PPP5C: variants seen among roughly 807,000 people sequenced by gnomAD.
PPP5C encodes the protein protein phosphatase 5 catalytic subunit, also known as serine/threonine-protein phosphatase 5.
In PPP5C, 21 loss-of-function variants were observed where a neutral mutation model predicts 66.7. The ratio of observed to expected loss-of-function variants is 0.31; its 90% CI spans 0.22 to 0.45. The LOEUF is 0.45. PPP5C is among the 20% of genes least tolerant of loss of function. PPP5C has a pLI of 1.00. For synonymous variants in PPP5C, 246 were observed against 257.4 expected, an observed-to-expected ratio of 0.96 and a Z score of 0.43; for missense variants, 464 against 675.9, an observed-to-expected ratio of 0.69 and a Z score of 3.48.
In PPP5C at chr19:46,383,386, C is replaced by T. The variant is rs1185855758; in HGVS notation, c.634-25C>T. The T allele has an allele frequency of 1.2e-6, 2 of 1,606,386 alleles. No individual in the cohort carries two copies. Among genetic ancestry groups the T allele is most frequent in the East Asian group, 2.3e-5 (1 of 44,318 alleles). On this transcript the variant is annotated intron_variant, in intron 4 of 12. Transcript: ENST00000012443. This position sits in a 1 kb window ranked among gnomAD's most constrained non-coding sequence, Gnocchi z 5.0. ...TGGGCAGCAGCCCCTGCAGCCGGTC[C>T]CACTGAGTCTGCCCTGCCTTCCAGA...
chr19:46,348,912 G>C (rs560632226), intron 1 of PPP5C, among the ~76,000 whole-genome samples: 1 of 152,336 alleles, frequency 6.6e-6, no homozygotes, highest in East Asian at 1.9e-4. Flanking sequence ...CTCCATGGAT[G>C]CTGGTAGTGA....
chr19:46,362,747 G>C (rs1972412162), intron 2 of PPP5C, among the ~76,000 whole-genome samples: 1 of 151,594 alleles, frequency 6.6e-6, no homozygotes, highest in Admixed American at 6.6e-5. Flanking sequence ...TATTTTGCTG[G>C]TAACTCAGAA....
At chr19:46,368,346 C>A (rs1972525771) in intron 2 of PPP5C, among the ~76,000 whole-genome samples, 2 of 152,204 alleles carry the variant, frequency 1.3e-5, no homozygotes, top group South Asian at 4.1e-4. Flanking sequence ...CCTGGACCTG[C>A]CATGCAGCTA....
At chr19:46,354,776 G>A (rs563044789) in intron 2 of PPP5C, among the ~76,000 whole-genome samples, 283 of 151,878 alleles carry the variant, frequency 1.9e-3, no homozygotes, top group African/African-American at 6.5e-3. Context: ...CAGCCTGGGC[G>A]ACACAGTGAG....
chr19:46,364,844 G>A (rs977581867), intron 2 of PPP5C, among the ~76,000 whole-genome samples: 2 of 151,550 alleles, frequency 1.3e-5, no homozygotes, highest in South Asian at 2.1e-4. Flanking sequence ...ATCTCACGCC[G>A]CTGGGTCCAT....
chr19:46,388,278 A>G lies in PPP5C; in HGVS notation c.1136-130A>G. 6 of 949,112 alleles carry G rather than the reference A, an allele frequency of 6.3e-6. 1 individual carries two copies. Among genetic ancestry groups the G allele is most frequent in the Non-Finnish European group, 9.3e-6 (6 of 645,760 alleles). 58.8% of individuals were successfully genotyped at this position (949,112 alleles called of 1,614,324 possible). ...TCCTGAATGTCCATGTCCATGCTGG[A>G]TGTCCCCTGCCCAACACCCACCCAG... On this transcript the variant is annotated intron_variant, in intron 9 of 12. Transcript: ENST00000012443. The surrounding 1 kb of genome is among the most constrained non-coding windows in gnomAD (Gnocchi z 4.9).
At chr19:46,351,105 C>T (rs1307402595) in intron 1 of PPP5C, among the ~76,000 whole-genome samples, 1 of 152,164 alleles carries the variant, frequency 6.6e-6, no homozygotes, top group African/African-American at 2.4e-5. Flanking sequence ...TGCTTAACCC[C>T]TAAGGAGGCT....
At position 46,388,499 on chromosome 19, in the gene PPP5C, G is replaced by T. The variant is rs746412172; in HGVS notation, c.1176+51G>T. ...CGGCGGGTGTGGGCTGTGGCAGCAGGTGGAGGCAGACAGTCACCCTGAACC... is the reference window on the plus strand; with the variant it reads ...CGGCGGGTGTGGGCTGTGGCAGCAGTTGGAGGCAGACAGTCACCCTGAACC... On this transcript the variant is annotated intron_variant, in intron 10 of 12. Coordinates refer to ENST00000012443, the MANE Select transcript of PPP5C (RefSeq NM_006247.4). This position sits in a 1 kb window ranked among gnomAD's most constrained non-coding sequence, Gnocchi z 4.9. The T allele has an allele frequency of 1.2e-6, 2 of 1,610,438 alleles. No homozygotes were observed. Among genetic ancestry groups the T allele is most frequent in the Non-Finnish European group, 1.7e-6 (2 of 1,177,454 alleles).
intron 2 of PPP5C, among the ~76,000 whole-genome samples, chr19:46,356,168 A>G (rs957564576): frequency 2.0e-5 from 3 of 151,988 alleles, no homozygotes. Flanking sequence ...GGGGGTGGGG[A>G]ATTCAGAGTC....
chr19:46,373,714 ACAGGGCCACCTTC>A (rs1047526014), intron 2 of PPP5C, among the ~76,000 whole-genome samples: 40 of 152,134 alleles, frequency 2.6e-4, no homozygotes, highest in Admixed American at 2.3e-3. Flanking sequence ...CCCTGCCCTC[ACAGGGCCACCTTC>A]CAGCGGGGTG....
intron 4 of PPP5C, chr19:46,382,673 G>A: frequency 2.3e-6 from 1 of 429,728 alleles, no homozygotes; most frequent in South Asian, 9.7e-5. Flanking sequence ...TAACCCATTT[G>A]AAAGTAAGTT....
intron 2 of PPP5C, among the ~76,000 whole-genome samples, chr19:46,365,993 T>A (rs1388754616): frequency 6.6e-6 from 1 of 152,108 alleles, no homozygotes; most frequent in Non-Finnish European, 1.5e-5. Context: ...ATGGAAACCT[T>A]CATTCTAGAA....
At chr19:46,389,029 A>G (rs1227141989) in intron 11 of PPP5C, among the ~76,000 whole-genome samples, 1 of 151,760 alleles carries the variant, frequency 6.6e-6, no homozygotes, top group Non-Finnish European at 1.5e-5. Flanking sequence ...TCGTGTTTAC[A>G]CTTTTGAGTG....
chr19:46,384,668 C>G (rs1284592477), intron 6 of PPP5C, 136 bp from the exon 7 acceptor site: 1 of 668,738 alleles, frequency 1.5e-6, no homozygotes, highest in East Asian at 2.7e-5. Context: ...CAAGTCCTCA[C>G]TCCCTGGGAG....
chr19:46,347,340 C>A (rs1192462206), intron 1 of PPP5C, 123 bp downstream of exon 1: 1 of 1,389,514 alleles, frequency 7.2e-7, no homozygotes, highest in Non-Finnish European at 9.5e-7. Flanking sequence ...AGTGACCGGG[C>A]GTGGGGAGGC....
At chr19:46,372,653 G>A (rs886348095) in intron 2 of PPP5C, among the ~76,000 whole-genome samples, 2 of 152,196 alleles carry the variant, frequency 1.3e-5, no homozygotes, top group African/African-American at 2.4e-5. Context: ...ACTCGCTGAC[G>A]AAGATAATGC....
At chr19:46,374,247 C>G (rs940818899) in intron 2 of PPP5C, among the ~76,000 whole-genome samples, 5 of 152,150 alleles carry the variant, frequency 3.3e-5, no homozygotes, top group African/African-American at 1.2e-4. Flanking sequence ...TGAGCCTCAC[C>G]CCCTGCTTCT....
At chr19:46,369,874 C>T (rs966526302) in intron 2 of PPP5C, among the ~76,000 whole-genome samples, 4 of 143,342 alleles carry the variant, frequency 2.8e-5, no homozygotes, top group Admixed American at 7.5e-5. Flanking sequence ...TACAGTGAGC[C>T]GAGATCAAGC....
chr19:46,350,447 C>T (rs1035346502), intron 1 of PPP5C, among the ~76,000 whole-genome samples: 64 of 152,252 alleles, frequency 4.2e-4, no homozygotes, highest in African/African-American at 1.4e-3. Context: ...TGTTGCCCCC[C>T]AGGACCTGGG....
Sources: gnomAD v4.1 joint callset for allele counts (sites outside exome capture counted in the v4.1 genomes callset) on GRCh38, gnomAD v4.1.1 for gene constraint, Gnocchi (gnomAD v3.1) non-coding constraint, MANE v1.5 for transcripts, NCBI Gene and HGNC (gene_info 2026-07-23, HGNC 2026-07-21) for gene names.